PCLO: variants seen among roughly 807,000 people sequenced by gnomAD.
PCLO encodes the protein protein piccolo.
A neutral mutation model predicts 427.5 loss-of-function variants in PCLO; 82 were observed. The ratio of observed to expected loss-of-function variants is 0.19; its 90% CI spans 0.16 to 0.23. The LOEUF is 0.23. Ranked by LOEUF, PCLO falls within the 10% of genes least tolerant of loss-of-function variation. The probability of loss-of-function intolerance (pLI) is 1.00; values close to 1 mark genes in which losing one functional copy is unlikely to be tolerated. For synonymous variants in PCLO, 2,357 were observed against 2,155.4 expected (o/e 1.09, Z -2.59); for missense variants, 6,239 against 6,115.9 (o/e 1.02, Z -0.67).
intron 3 of PCLO, among the ~76,000 whole-genome samples, chr7:82,996,303 G>T (rs1787612398): frequency 1.3e-5 from 2 of 151,798 alleles, no homozygotes; most frequent in South Asian, 2.1e-4. Flanking sequence ...GGCATTAATG[G>T]TTTTTTTATA....
At chr7:83,159,561 T>C (rs1320784799) in intron 1 of PCLO, among the ~76,000 whole-genome samples, 1 of 152,086 alleles carries the variant, frequency 6.6e-6, no homozygotes, top group Non-Finnish European at 1.5e-5. Flanking sequence ...ACACCTCCCT[T>C]TTCATTTTAC....
intron 2 of PCLO, among the ~76,000 whole-genome samples, chr7:83,138,916 G>T (rs1458131383): frequency 6.6e-6 from 1 of 151,752 alleles, no homozygotes; most frequent in African/African-American, 2.4e-5. Context: ...CATGGCACGT[G>T]TATATCTATG....
chr7:82,897,830 A>T (rs1259927507), intron 9 of PCLO, among the ~76,000 whole-genome samples: 1 of 151,424 alleles, frequency 6.6e-6, no homozygotes, highest in East Asian at 1.9e-4. Context: ...ATTTCACTGC[A>T]GATATCGTTA....
chr7:82,764,794 A>G (rs561756273), intron 22 of PCLO, among the ~76,000 whole-genome samples: 1 of 150,034 alleles, frequency 6.7e-6, no homozygotes, highest in Admixed American at 6.7e-5. Flanking sequence ...TTGAAACTAC[A>G]AAGTAAGATG....
intron 22 of PCLO, among the ~76,000 whole-genome samples, chr7:82,773,041 A>G (rs1426421338): frequency 6.6e-6 from 1 of 152,102 alleles, no homozygotes; most frequent in African/African-American, 2.4e-5. Flanking sequence ...TCCTTCCAGA[A>G]AGCAGTCAAG....
Position 82,953,166 on chromosome 7 carries a change from G to A in PCLO, c.7787C>T (p.Ser2596Phe). Residue 2596 changes from serine to phenylalanine, a missense_variant, in exon 5 of 25, where the codon TCT (serine) becomes TTT (phenylalanine). By Grantham distance (155) the Ser-to-Phe change is radical. Transcript: ENST00000333891. Reference sequence around the variant, plus strand: ...CCAACTGGTAATTGCTTGACTAGCAGAAGAATCTGTTGGAGTCCCTGGTTC... The same window carrying A: ...CCAACTGGTAATTGCTTGACTAGCAAAAGAATCTGTTGGAGTCCCTGGTTC... ...PSEPGTPTDSSASQAITSWPL... is the reference protein window; with the variant it reads ...PSEPGTPTDSFASQAITSWPL... 6.2e-7 allele frequency: 1 copy of A among 1,613,966 alleles called. No individual in the cohort carries two copies. Among genetic ancestry groups the A allele is most frequent in the Middle Eastern group, 1.6e-4 (1 of 6,062 alleles).
chr7:82,845,821 T>C (rs1220290874), intron 12 of PCLO, among the ~76,000 whole-genome samples: 1 of 152,152 alleles, frequency 6.6e-6, no homozygotes, highest in East Asian at 1.9e-4. Flanking sequence ...TTAGCTGTTT[T>C]TCCTTCCTTA....
intron 3 of PCLO, among the ~76,000 whole-genome samples, chr7:82,992,526 C>T (rs1796400690): frequency 6.6e-6 from 1 of 151,994 alleles, no homozygotes; most frequent in East Asian, 1.9e-4. Flanking sequence ...AAAATTGATG[C>T]CTCATAGTTC....
At position 82,966,092 on chromosome 7, in the gene PCLO, T is replaced by C; in HGVS notation, c.3696A>G (p.Lys1232=). Residue 1232 remains lysine, a synonymous_variant, in exon 4 of 25, where the codon AAA becomes AAG. Transcript: ENST00000333891. ...PEEEKIRSEE[K]KPLLEEKKPT... ...GCTTTTTTTCTTCTAGGAGTGGCTT[T>C]TTTTCTTCAGAACGTATCTTTTCTT... The C allele has an allele frequency of 6.2e-7, 1 of 1,611,646 alleles. No individual in the cohort carries two copies. The highest frequency in any genetic ancestry group is 8.5e-7 in the Non-Finnish European group (1 of 1,179,380).
chr7:83,147,892 T>C (rs1792034932), intron 2 of PCLO, among the ~76,000 whole-genome samples: 1 of 152,176 alleles, frequency 6.6e-6, no homozygotes, highest in African/African-American at 2.4e-5. Context: ...TGGTAGCCAA[T>C]AGAATATCAA....
At chr7:82,813,133 G>C (rs775548371) in intron 20 of PCLO, among the ~76,000 whole-genome samples, 1 of 151,684 alleles carries the variant, frequency 6.6e-6, no homozygotes, top group Non-Finnish European at 1.5e-5. Flanking sequence ...AAAAGGTTGA[G>C]CACATTTCCA....
Position 82,754,860 on chromosome 7 carries a change from T to C in PCLO, c.*3715A>G, listed in dbSNP as rs1329908029. On this transcript the variant is annotated 3_prime_UTR_variant, in exon 25 of 25. Coordinates refer to ENST00000333891, the MANE Select transcript of PCLO (RefSeq NM_033026.6). Reference sequence around the variant, plus strand: ...AAAAAGAGGGAAGGAAGATCACTTCTGTCACACATAACACATATATAGCTG... The same window carrying C: ...AAAAAGAGGGAAGGAAGATCACTTCCGTCACACATAACACATATATAGCTG... The C allele has an allele frequency of 2.0e-5, 3 of 152,124 alleles. No homozygotes were observed. Among genetic ancestry groups the C allele is most frequent in the Non-Finnish European group, 4.4e-5 (3 of 67,980 alleles). 9.4% of individuals were successfully genotyped at this position (152,124 alleles called of 1,614,324 possible). A position where few individuals can be genotyped will look rare whatever the true frequency, so the allele number is the denominator to read the frequency against.
intron 3 of PCLO, among the ~76,000 whole-genome samples, chr7:83,022,563 C>T (rs946008849): frequency 2.0e-5 from 3 of 151,866 alleles, no homozygotes; most frequent in Admixed American, 6.6e-5. Flanking sequence ...AAATCCTAGC[C>T]GAGATAAATA....
intron 6 of PCLO, among the ~76,000 whole-genome samples, chr7:82,921,388 A>G (rs1414118796): frequency 1.3e-5 from 2 of 152,016 alleles, no homozygotes; most frequent in African/African-American, 4.8e-5. Context: ...AATGGGTACA[A>G]AAACAGACAC....
Position 83,096,933 on chromosome 7 carries a change from A to T in PCLO, c.3300+37317T>A, listed in dbSNP as rs1173002481. Among the ~76,000 whole-genome samples, 35 of 61,222 alleles carry T rather than the reference A, an allele frequency of 5.7e-4. 8 individuals carry two copies. The highest frequency in any genetic ancestry group is 2.6e-3 in the African/African-American group (34 of 13,174). 40.2% of individuals were successfully genotyped at this position (61,222 alleles called of 152,430 possible). On this transcript the variant is annotated intron_variant, in intron 3 of 24. Coordinates refer to ENST00000333891, the MANE Select transcript of PCLO (RefSeq NM_033026.6). ...TATCTAAATATATATAATATAATAT[A>T]ATATATTATATATTATATAAATAAT...
chr7:82,936,595 G>T (rs2116362281), intron 6 of PCLO, among the ~76,000 whole-genome samples: 2 of 151,704 alleles, frequency 1.3e-5, no homozygotes, highest in East Asian at 3.9e-4. Context: ...TGGTTCAACT[G>T]CTATGGCAGA....
rs969228780 is a variant in PCLO at position 82,757,611 on chromosome 7, G to C, written c.*964C>G. The stretch of plus-strand genomic sequence containing the variant: ...AATTTTCTTTCTCTGTCAATGCATC[G>C]CTCAACAGAAAGGAAATGTGCAGGA... On this transcript the variant is annotated 3_prime_UTR_variant, in exon 25 of 25. Transcript: ENST00000333891. 1 of 151,794 alleles carries C rather than the reference G, an allele frequency of 6.6e-6. No homozygotes were observed. Among genetic ancestry groups the C allele is most frequent in the African/African-American group, 2.4e-5 (1 of 41,360 alleles). The allele number at this position is 151,794 out of a possible 1,614,324, so 9.4% of individuals were successfully genotyped here.
intron 20 of PCLO, chr7:82,820,561 T>TC: frequency 1.6e-6 from 2 of 1,226,412 alleles, no homozygotes; most frequent in Non-Finnish European, 2.0e-6. Flanking sequence ...ACTTAACAAC[T>TC]ATGGAAACAC....
At chr7:83,037,054 A>G (rs1221782093) in intron 3 of PCLO, among the ~76,000 whole-genome samples, 2 of 152,186 alleles carry the variant, frequency 1.3e-5, no homozygotes, top group African/African-American at 4.8e-5. Context: ...CAAGAAAAAT[A>G]ACTATTCATT....
Sources: gnomAD v4.1 joint callset for allele counts (sites outside exome capture counted in the v4.1 genomes callset) on GRCh38, gnomAD v4.1.1 for gene constraint, MANE v1.5 for transcripts, NCBI Gene and HGNC (gene_info 2026-07-23, HGNC 2026-07-21) for gene names.